LHX9: variants seen among roughly 807,000 people sequenced by gnomAD.
LHX9 encodes LIM/homeobox protein Lhx9.
A neutral mutation model predicts 36.5 loss-of-function variants in LHX9; 9 were observed. The ratio of observed to expected loss-of-function variants is 0.25; its 90% confidence interval spans 0.15 to 0.43. LHX9 has a LOEUF of 0.43. Among genes scored for constraint, LHX9 ranks in the 20% least tolerant of loss-of-function variants. The pLI, the probability that LHX9 is intolerant of heterozygous loss-of-function variation, is 1.00. For synonymous variants in LHX9, 211 were observed against 212.1 expected (o/e 0.99, Z 0.04); for missense variants, 464 against 526.4 (o/e 0.88, Z 1.16).
upstream of LHX9, chr1:197,916,390 T>C (rs1659753283): frequency 2.4e-6 from 1 of 421,828 alleles, no homozygotes; most frequent in Non-Finnish European, 4.3e-6. Context: ...GTTTTACAAG[T>C]CCTCTGTCCT....
rs199530670 is a variant in LHX9 at position 197,919,955 on chromosome 1, G to A, written c.175-17G>A. The A allele has an allele frequency of 6.2e-7, 1 of 1,613,082 alleles. No individual in the cohort carries two copies. The highest frequency in any genetic ancestry group is 8.5e-7 in the Non-Finnish European group (1 of 1,179,766). ...ACCGCGCGCCCTCCTCAGCCTTGCG[G>A]TGTGCTTTCTTTGCAGGGCATGCCC... is the stretch of plus-strand genomic sequence containing the variant. On this transcript the variant is annotated splice_polypyrimidine_tract_variant and intron_variant, in intron 1 of 4. Transcript: ENST00000367387.
rs1001764104 is a variant in LHX9 at position 197,927,593 on chromosome 1, T to A, written c.736T>A (p.Cys246Ser). ...GVDIVNYNSG[C>S]NENEADHLDR... The stretch of plus-strand genomic sequence containing the variant: ...TTTGTTCACTGTTACTGCAACAGGT[T>A]GTAATGAGAATGAGGCAGACCACTT... Residue 246 changes from cysteine (C) to serine (S), a missense_variant and splice_region_variant, in exon 4 of 5, where the codon TGT becomes AGT. Physicochemically the swap from Cys to Ser is moderately radical, Grantham distance 112 (BLOSUM62 -1). Coordinates refer to ENST00000367387, the MANE Select transcript of LHX9 (RefSeq NM_020204.3). 2 of 1,613,960 alleles carry A rather than the reference T, an allele frequency of 1.2e-6. No homozygotes were observed. The highest frequency in any genetic ancestry group is 1.7e-6 in the Non-Finnish European group (2 of 1,179,950).
rs1354035873 is a variant in LHX9 at position 197,934,002 on chromosome 1, T to G, written c.*4743T>G. 6.6e-6 allele frequency: 1 copy of G among 152,182 alleles called. No individual in the cohort carries two copies. The highest frequency in any genetic ancestry group is 2.4e-5 in the African/African-American group (1 of 41,446). The allele number at this position is 152,182 out of a possible 1,614,324, so 9.4% of individuals were successfully genotyped here. Reference sequence around the variant, plus strand: ...AGTCTAACTTCTGGCAGATTGATCTTGGGCAAAAAGCTTCACTGAGAGTTA... The same window carrying G: ...AGTCTAACTTCTGGCAGATTGATCTGGGGCAAAAAGCTTCACTGAGAGTTA... On this transcript the variant is annotated 3_prime_UTR_variant, in exon 5 of 5. Coordinates refer to ENST00000367387, the MANE Select transcript of LHX9 (RefSeq NM_020204.3).
At chr1:197,927,383 A>G (rs912768646) in intron 3 of LHX9, among the ~76,000 whole-genome samples, 1 of 152,194 alleles carries the variant, frequency 6.6e-6, no homozygotes, top group African/African-American at 2.4e-5. Flanking sequence ...TCTATTGCAT[A>G]AACTTTGGTT....
chr1:197,921,750 A>G lies in LHX9; in HGVS notation c.733+91A>G. 1 of 1,132,258 alleles carries G rather than the reference A, an allele frequency of 8.8e-7. No homozygotes were observed. The highest frequency in any genetic ancestry group is 1.6e-5 in the African/African-American group (1 of 64,154). The allele number at this position is 1,132,258 out of a possible 1,614,324, so 70.1% of individuals were successfully genotyped here. On this transcript the variant is annotated intron_variant, in intron 3 of 4. Transcript: ENST00000367387. The surrounding 1 kb of genome is among the most constrained non-coding windows in gnomAD (Gnocchi z 4.6). ...TCCCCGTCCAAAGTCTTGCTGCAAG[A>G]GTGTGTTTTGCCCAATGCCTCTGTT...
intron 3 of LHX9, among the ~76,000 whole-genome samples, chr1:197,925,179 T>A (rs1660105745): frequency 6.6e-6 from 1 of 151,994 alleles, no homozygotes; most frequent in Non-Finnish European, 1.5e-5. Context: ...GGCCTATAAC[T>A]GTATTTTACA....
In LHX9 at chr1:197,930,950, G is replaced by A. The variant is rs1660312631; in HGVS notation, c.*1691G>A. On this transcript the variant is annotated 3_prime_UTR_variant, in exon 5 of 5. Transcript: ENST00000367387. ...CAGACCAAACAACCTTGGTAAGGCT[G>A]AGATCTTATTAATACACTTTTACAG... 6.6e-6 allele frequency: 1 copy of A among 151,952 alleles called. No homozygotes were observed. The highest frequency in any genetic ancestry group is 2.1e-4 in the South Asian group (1 of 4,828). The allele number at this position is 151,952 out of a possible 1,614,324, so 9.4% of individuals were successfully genotyped here.
In LHX9 at chr1:197,930,867, T is replaced by C. The variant is rs1170138916; in HGVS notation, c.*1608T>C. ...TAGCAAGTATGGTTATCATCTTATA[T>C]GGAGCTTAAATCTTGACTTTTCATA... On this transcript the variant is annotated 3_prime_UTR_variant, in exon 5 of 5. Coordinates refer to ENST00000367387, the MANE Select transcript of LHX9 (RefSeq NM_020204.3). 1 of 152,070 alleles carries C rather than the reference T, an allele frequency of 6.6e-6. No individual in the cohort carries two copies. The highest frequency in any genetic ancestry group is 6.5e-5 in the Admixed American group (1 of 15,274). 9.4% of individuals were successfully genotyped at this position (152,070 alleles called of 1,614,324 possible).
chr1:197,913,776 G>C (rs1282306462), upstream of LHX9, among the ~76,000 whole-genome samples: 1 of 152,196 alleles, frequency 6.6e-6, no homozygotes, highest in Non-Finnish European at 1.5e-5. Context: ...ACAGGGTCTG[G>C]AGGAAAGGTA....
In LHX9 at chr1:197,935,065, T is replaced by C. The variant is rs1464195272; in HGVS notation, c.*5806T>C. 1 of 152,166 alleles carries C rather than the reference T, an allele frequency of 6.6e-6. No homozygotes were observed. The highest frequency in any genetic ancestry group is 2.4e-5 in the African/African-American group (1 of 41,434). 9.4% of individuals were successfully genotyped at this position (152,166 alleles called of 1,614,324 possible). On this transcript the variant is annotated 3_prime_UTR_variant, in exon 5 of 5. Coordinates refer to ENST00000367387, the MANE Select transcript of LHX9 (RefSeq NM_020204.3). ...GAATATGATGTAAGTAGTAACATTATTGCCACAACTAAATTTCTGTTTAAC... is the reference window on the plus strand; with the variant it reads ...GAATATGATGTAAGTAGTAACATTACTGCCACAACTAAATTTCTGTTTAAC...
rs1007518247 is a variant in LHX9, at chr1:197,934,598, G to A, written c.*5339G>A. The A allele has an allele frequency of 6.6e-6, 1 of 152,112 alleles. No individual in the cohort carries two copies. The highest frequency in any genetic ancestry group is 6.6e-5 in the Admixed American group (1 of 15,256). The allele number at this position is 152,112 out of a possible 1,614,324, so 9.4% of individuals were successfully genotyped here. A position where few individuals can be genotyped will look rare whatever the true frequency, so the allele number is the denominator to read the frequency against. On this transcript the variant is annotated 3_prime_UTR_variant, in exon 5 of 5. Transcript: ENST00000367387. The stretch of plus-strand genomic sequence containing the variant: ...GGCAAAATAAGCACAGTAGGACTTA[G>A]TCCAAATTGACGAAATATCATTGAA...
rs372071986 is a variant in LHX9 at position 197,921,504 on chromosome 1, G to C, written c.578G>C (p.Gly193Ala). ...CRAHFETLLQ[G>A]EYPPQLSYTE... ...GCCCACTTCGAGACCCTCTTGCAAG[G>C]AGAGTATCCACCGCAGCTGAGCTAC... Residue 193 changes from glycine (G) to alanine (A), a missense_variant, in exon 3 of 5, where the codon GGA becomes GCA. Physicochemically the swap from Gly to Ala is moderately conservative, Grantham distance 60 (BLOSUM62 0). Transcript: ENST00000367387. This position sits in a 1 kb window ranked among gnomAD's most constrained non-coding sequence, Gnocchi z 4.6. 1.5e-5 allele frequency: 25 copies of C among 1,614,032 alleles called. No homozygotes were observed. The highest frequency in any genetic ancestry group is 1.9e-5 in the Non-Finnish European group (23 of 1,180,036).
chr1:197,917,361 C>T (rs1659795133), upstream of LHX9: 1 of 1,293,536 alleles, frequency 7.7e-7, no homozygotes, highest in Non-Finnish European at 1.0e-6. Context: ...GGACACAGCT[C>T]AGGCAGGAGC....
At chr1:197,922,509 C>T (rs531183180) in intron 3 of LHX9, among the ~76,000 whole-genome samples, 47 of 152,316 alleles carry the variant, frequency 3.1e-4, no homozygotes, top group African/African-American at 1.1e-3. Flanking sequence ...TGTTGGTAGC[C>T]TGCCCCCACT....
chr1:197,934,327 G>T lies in LHX9; in HGVS notation c.*5068G>T, dbSNP rs1047816293. On this transcript the variant is annotated 3_prime_UTR_variant, in exon 5 of 5. Coordinates refer to ENST00000367387, the MANE Select transcript of LHX9 (RefSeq NM_020204.3). Reference sequence around the variant, plus strand: ...GCAGTGTGACTGCAAGGCATGTTGTGGTGGAAATCATTAGAACTGGGAAGC... The same window carrying T: ...GCAGTGTGACTGCAAGGCATGTTGTTGTGGAAATCATTAGAACTGGGAAGC... The T allele has an allele frequency of 6.6e-6, 1 of 152,010 alleles. No homozygotes were observed. The highest frequency in any genetic ancestry group is 2.4e-5 in the African/African-American group (1 of 41,366). The allele number at this position is 152,010 out of a possible 1,614,324, so 9.4% of individuals were successfully genotyped here.
chr1:197,918,166 G>T (rs1015642609), intron 1 of LHX9, 169 bp downstream of exon 1: 1 of 726,164 alleles, frequency 1.4e-6, no homozygotes, highest in South Asian at 1.7e-5. Flanking sequence ...GCTAAGAAAC[G>T]GTCGTTTTTC....
rs1044543374 is a variant in LHX9, at chr1:197,933,761, G to T, written c.*4502G>T. On this transcript the variant is annotated 3_prime_UTR_variant, in exon 5 of 5. Transcript: ENST00000367387. Reference sequence around the variant, plus strand: ...AAAACCAAAAAAAAAAAAAAAAAGAGAGAGAGAGAGAAAGGAGTACTAATT... The same window carrying T: ...AAAACCAAAAAAAAAAAAAAAAAGATAGAGAGAGAGAAAGGAGTACTAATT... 1.9e-4 allele frequency: 28 copies of T among 150,782 alleles called. No individual in the cohort carries two copies. Among genetic ancestry groups the T allele is most frequent in the African/African-American group, 6.9e-4 (28 of 40,824 alleles). 9.3% of individuals were successfully genotyped at this position (150,782 alleles called of 1,614,324 possible).
At position 197,921,600 on chromosome 1, in the gene LHX9, G is replaced by T. The variant is rs767142030; in HGVS notation, c.674G>T (p.Gly225Val). 6.2e-7 allele frequency: 1 copy of T among 1,607,588 alleles called. No individual in the cohort carries two copies. Among genetic ancestry groups the T allele is most frequent in the South Asian group, 1.1e-5 (1 of 91,036 alleles). Residue 225 changes from glycine (G) to valine (V), a missense_variant, in exon 3 of 5, where the codon GGG becomes GTG. Physicochemically the swap from Gly to Val is moderately radical, Grantham distance 109. Transcript: ENST00000367387. This position sits in a 1 kb window ranked among gnomAD's most constrained non-coding sequence, Gnocchi z 4.6. ...YFNGTGTVQK[G>V]RPRKRKSPAL... ...AACGGTACGGGCACCGTGCAGAAAG[G>T]GCGGCCCCGGAAGCGGAAGAGCCCA...
At chr1:197,924,680 T>G (rs1256024295) in intron 3 of LHX9, among the ~76,000 whole-genome samples, 1 of 152,212 alleles carries the variant, frequency 6.6e-6, no homozygotes, top group African/African-American at 2.4e-5. Flanking sequence ...TTAAGGCTCC[T>G]GGTGGTTAAA....
Sources: allele counts gnomAD v4.1 joint callset (sites outside exome capture counted in the v4.1 genomes callset), GRCh38; gene constraint gnomAD v4.1.1; non-coding constraint Gnocchi (gnomAD v3.1); transcripts MANE v1.5; gene names NCBI Gene and HGNC (gene_info 2026-07-23, HGNC 2026-07-21).